NKX6-3: variants seen among roughly 807,000 people sequenced by gnomAD.
NKX6-3 encodes the protein NK6 homeobox 3.
NKX6-3 carries 17 observed loss-of-function variants against 22.0 expected under a neutral mutation model. The observed-to-expected ratio is 0.77, with a 90% CI of 0.53 to 1.16. NKX6-3 has a LOEUF of 1.16. Ranked by LOEUF, NKX6-3 falls within the 50% of genes most tolerant of loss-of-function variation. NKX6-3 has a pLI of 0.00. For missense variants in NKX6-3, 363 were observed against 359.0 expected, an observed-to-expected ratio of 1.01 and a Z score of -0.09; for synonymous variants, 177 against 167.2, an observed-to-expected ratio of 1.06 and a Z score of -0.45.
At position 41,646,956 on chromosome 8, in the gene NKX6-3, C is replaced by T. The variant is rs1284488637; in HGVS notation, c.553-262G>A. Among the ~76,000 whole-genome samples, 35 of 72,592 alleles carry T rather than the reference C, an allele frequency of 4.8e-4. 1 individual carries two copies. The highest frequency in any genetic ancestry group is 1.8e-3 in the African/African-American group (32 of 17,506). The allele number at this position is 72,592 out of a possible 152,430, so 47.6% of individuals were successfully genotyped here. Reference sequence around the variant, plus strand: ...CCCTCCCCCTCCCCTCCCCCTCCCCCTCCCCCTCCTCCTCCTTCTCCTCCT... The same window carrying T: ...CCCTCCCCCTCCCCTCCCCCTCCCCTTCCCCCTCCTCCTCCTTCTCCTCCT... On this transcript the variant is annotated intron_variant, in intron 2 of 2. Transcript: ENST00000518699.
Position 41,645,938 on chromosome 8 carries a change from T to C in NKX6-3, c.*511A>G. 5.5e-6 allele frequency: 1 copy of C among 182,176 alleles called. No individual in the cohort carries two copies. The highest frequency in any genetic ancestry group is 1.1e-5 in the Non-Finnish European group (1 of 88,744). The allele number at this position is 182,176 out of a possible 1,614,324, so 11.3% of individuals were successfully genotyped here. A position where few individuals can be genotyped will look rare whatever the true frequency, so the allele number is the denominator to read the frequency against. ...AGGAGTGCACCTGGCCACTCACCTG[T>C]CTTTTCTTCTGCAGCCAGCAGCTGG... On this transcript the variant is annotated 3_prime_UTR_variant, in exon 3 of 3. Transcript: ENST00000518699.
At chr8:41,648,018 G>A (rs778285887) in intron 2 of NKX6-3, 48 bp downstream of exon 2, 65 of 1,474,586 alleles carry the variant, frequency 4.4e-5, no homozygotes, top group East Asian at 1.2e-4. Context: ...CCTCCTGTCC[G>A]GCAGGCTCCT....
Position 41,648,193 on chromosome 8 carries a change from G to C in NKX6-3, c.425C>G (p.Thr142Ser). Residue 142 changes from threonine (T) to serine (S), a missense_variant, in exon 2 of 3, where the codon ACC becomes AGC. Thr to Ser is a moderately conservative substitution (Grantham distance 58, BLOSUM62 1). Transcript: ENST00000518699. Reference sequence around the variant, plus strand: ...CTGGTGCCCCGTGAAGGTGGGCCGGGTGTGCTTCTTCTTGTGTATGCTGTC... The same window carrying C: ...CTGGTGCCCCGTGAAGGTGGGCCGGCTGTGCTTCTTCTTGTGTATGCTGTC... ...LSDSIHKKKH[T>S]RPTFTGHQIF... The C allele has an allele frequency of 6.5e-7, 1 of 1,538,160 alleles. No individual in the cohort carries two copies. Among genetic ancestry groups the C allele is most frequent in the Non-Finnish European group, 8.7e-7 (1 of 1,146,874 alleles).
At chr8:41,646,856 G>T (rs1289892770) in intron 2 of NKX6-3, among the ~76,000 whole-genome samples, 162 bp from the exon 3 acceptor site, 4 of 144,942 alleles carry the variant, frequency 2.8e-5, no homozygotes, top group African/African-American at 1.0e-4. Context: ...ACGTGAGCGC[G>T]GCAGCCCTCC....
At chr8:41,646,811 A>G in intron 2 of NKX6-3, 117 bp from the exon 3 acceptor site, 1 of 1,385,394 alleles carries the variant, frequency 7.2e-7, no homozygotes, top group Non-Finnish European at 9.6e-7. Flanking sequence ...TGTCACATTC[A>G]CGTTTCTGTT....
rs1020757079 is a variant in NKX6-3 at position 41,650,345 on chromosome 8, C to T, written c.148G>A (p.Gly50Arg). Residue 50 changes from glycine to arginine, a missense_variant, in exon 1 of 3, where the codon GGA becomes AGA. Physicochemically the swap from Gly to Arg is moderately radical, Grantham distance 125. This residue lies in a region of NKX6-3 where 175 missense variants were observed against 160.9 expected (regional missense o/e 1.09). Coordinates refer to ENST00000518699, the MANE Select transcript of NKX6-3 (RefSeq NM_001364841.2). ...ATGTCCGTGATCCCGTGGGGGGTTC[C>T]GGCGGCCAGCTGGGGGCCCAGCCCT... ...PPGLGPQLAA[G>R]TPHGITDILS... 1.4e-5 allele frequency: 22 copies of T among 1,534,746 alleles called. No homozygotes were observed. Among genetic ancestry groups the T allele is most frequent in the Admixed American group, 3.9e-5 (2 of 50,810 alleles).
chr8:41,650,499 C>G lies in NKX6-3; in HGVS notation c.-7G>C. On this transcript the variant is annotated 5_prime_UTR_variant, in exon 1 of 3. Coordinates refer to ENST00000518699, the MANE Select transcript of NKX6-3 (RefSeq NM_001364841.2). The stretch of plus-strand genomic sequence containing the variant: ...CCTGCAGGTTGGACTCCATGATCTC[C>G]CAGTCAGGACAGGGAAGGCTTCTCC... The G allele has an allele frequency of 6.5e-7, 1 of 1,535,038 alleles. No individual in the cohort carries two copies.
At chr8:41,646,932 CCTCCCCCT>C (rs1804221154) in intron 2 of NKX6-3, among the ~76,000 whole-genome samples, 7 of 27,382 alleles carry the variant, frequency 2.6e-4, no homozygotes, top group Non-Finnish European at 5.3e-4. Context: ...TCTCCCTCCC[CCTCCCCCT>C]CCCCTCCCCC....
chr8:41,647,655 G>C (rs1175259966), intron 2 of NKX6-3, among the ~76,000 whole-genome samples: 1 of 152,186 alleles, frequency 6.6e-6, no homozygotes. Context: ...ATCTGGGCCA[G>C]AGACTGCCGA....
chr8:41,650,601 G>T lies in NKX6-3; in HGVS notation c.-109C>A. On this transcript the variant is annotated 5_prime_UTR_variant, in exon 1 of 3. Coordinates refer to ENST00000518699, the MANE Select transcript of NKX6-3 (RefSeq NM_001364841.2). ...CCTGGAGGCTTAGGACCGTCTCCGA[G>T]CTCCTGACTGCCTCCCACCTAAGGC... 1.8e-6 allele frequency: 2 copies of T among 1,119,856 alleles called. No homozygotes were observed. Among genetic ancestry groups the T allele is most frequent in the Non-Finnish European group, 2.5e-6 (2 of 807,910 alleles). The allele number at this position is 1,119,856 out of a possible 1,614,324, so 69.4% of individuals were successfully genotyped here.
chr8:41,648,177 C>G lies in NKX6-3; in HGVS notation c.441G>C (p.Thr147=). The G allele has an allele frequency of 6.5e-7, 1 of 1,538,482 alleles. No homozygotes were observed. The highest frequency in any genetic ancestry group is 8.7e-7 in the Non-Finnish European group (1 of 1,146,884). The change falls in exon 2 of 3, where the codon ACG becomes ACC. Residue 147 remains threonine, a synonymous_variant. Coordinates refer to ENST00000518699, the MANE Select transcript of NKX6-3 (RefSeq NM_001364841.2). ...TCTCCAGGGCAAAGATCTGGTGCCC[C>G]GTGAAGGTGGGCCGGGTGTGCTTCT... The part of the protein sequence containing the change: ...HKKKHTRPTF[T]GHQIFALEKT...
chr8:41,650,120 A>T lies in NKX6-3; in HGVS notation c.373T>A (p.Cys125Ser). The stretch of plus-strand genomic sequence containing the variant: ...GAGGACCCGTACTCACTGTTGCTGC[A>T]CTGCCGCCCGCCTCGCCAGTCTTGG... ...TGQDWRGGRQ[C>S]SNTPDPLSDS... The change falls in exon 1 of 3, where the codon TGC (cysteine) becomes AGC (serine). Residue 125 changes from cysteine (C) to serine (S), a missense_variant. This residue lies in a region of NKX6-3 where 19 missense variants were observed against 42.3 expected (regional missense o/e 0.45). Transcript: ENST00000518699. 1 of 1,534,426 alleles carries T rather than the reference A, an allele frequency of 6.5e-7. No homozygotes were observed. Among genetic ancestry groups the T allele is most frequent in the East Asian group, 2.4e-5 (1 of 40,896 alleles).
intron 1 of NKX6-3, 81 bp from the exon 2 acceptor site, chr8:41,648,316 T>G: frequency 8.1e-7 from 1 of 1,231,534 alleles, no homozygotes; most frequent in Non-Finnish European, 1.1e-6. Flanking sequence ...GCAACCACCA[T>G]GCCTGCCCCT....
intron 1 of NKX6-3, 98 bp from the exon 2 acceptor site, chr8:41,648,333 C>T (rs924431377): frequency 1.2e-5 from 12 of 1,036,020 alleles, no homozygotes; most frequent in Non-Finnish European, 1.7e-5. Flanking sequence ...CCCTCTCCCT[C>T]CTGCAGAGGT....
At position 41,650,570 on chromosome 8, in the gene NKX6-3, G is replaced by T; in HGVS notation, c.-78C>A. Reference sequence around the variant, plus strand: ...CCCACTCTCTAGCCCCAAATCTCATGGCAGGCCTGGAGGCTTAGGACCGTC... The same window carrying T: ...CCCACTCTCTAGCCCCAAATCTCATTGCAGGCCTGGAGGCTTAGGACCGTC... On this transcript the variant is annotated 5_prime_UTR_variant, in exon 1 of 3. Coordinates refer to ENST00000518699, the MANE Select transcript of NKX6-3 (RefSeq NM_001364841.2). 1 of 1,417,250 alleles carries T rather than the reference G, an allele frequency of 7.1e-7. No homozygotes were observed. The highest frequency in any genetic ancestry group is 9.5e-7 in the Non-Finnish European group (1 of 1,057,860). The allele number at this position is 1,417,250 out of a possible 1,614,324, so 87.8% of individuals were successfully genotyped here. A position where few individuals can be genotyped will look rare whatever the true frequency, so the allele number is the denominator to read the frequency against.
In NKX6-3 at chr8:41,646,404, C is replaced by T. The variant is rs773967191; in HGVS notation, c.*45G>A. ...GAGGGGAAGGTAGGCTCCTCGGCGT[C>T]CCCCCGCAGGCTGCAGCCAGGATCC... On this transcript the variant is annotated 3_prime_UTR_variant, in exon 3 of 3. Transcript: ENST00000518699. 14 of 1,544,922 alleles carry T rather than the reference C, an allele frequency of 9.1e-6. No homozygotes were observed. In the East Asian group the frequency reaches 2.9e-4, roughly 32 times the overall value.
At chr8:41,648,280 C>T in intron 1 of NKX6-3, 45 bp from the exon 2 acceptor site, 1 of 1,487,916 alleles carries the variant, frequency 6.7e-7, no homozygotes, top group Non-Finnish European at 9.0e-7. Flanking sequence ...TAAGTGGGGA[C>T]CCTGCGGCTA....
chr8:41,649,831 C>T (rs7825494), intron 1 of NKX6-3, among the ~76,000 whole-genome samples: 83,697 of 151,930 alleles, frequency 0.55, 23,171 homozygotes, highest in African/African-American at 0.58. Flanking sequence ...GGCTGTGGGG[C>T]CTTCTCTACA....
In NKX6-3 at chr8:41,650,456, T is replaced by G. The variant is rs574543076; in HGVS notation, c.37A>C (p.Asn13His). Residue 13 changes from asparagine to histidine, a missense_variant, in exon 1 of 3, where the codon AAC (asparagine) becomes CAC (histidine). Around this residue, in one of 3 missense-constraint regions of NKX6-3, gnomAD observed 175 missense variants for 160.9 expected, o/e 1.09. Coordinates refer to ENST00000518699, the MANE Select transcript of NKX6-3 (RefSeq NM_001364841.2). ...TCCGGAAACTGAGCCAGCGGCGTGT[T>G]GTTCAGCAGGAACGTCCCCTGCAGG... ...SNLQGTFLLN[N>H]TPLAQFPEMK... 1.2e-4 allele frequency: 177 copies of G among 1,535,674 alleles called. No homozygotes were observed. The African/African-American group carries it at 1.9e-3, about 17-fold the overall frequency.
Sources: allele counts gnomAD v4.1 joint callset (sites outside exome capture counted in the v4.1 genomes callset), GRCh38; gene constraint gnomAD v4.1.1; regional missense constraint gnomAD v4.1.1; transcripts MANE v1.5; gene names NCBI Gene and HGNC (gene_info 2026-07-23, HGNC 2026-07-21).